Variants in SCARB2 observed in about 807,000 individuals in gnomAD.
The protein encoded by SCARB2 is lysosome membrane protein 2.
SCARB2 carries 29 observed loss-of-function variants against 58.6 expected under a neutral mutation model. That is an observed-to-expected ratio of 0.49 (90% CI 0.37 to 0.67). SCARB2 has a LOEUF of 0.67. SCARB2 is among the 30% of genes least tolerant of loss of function. SCARB2 has a pLI of 0.00. For missense variants in SCARB2, 488 were observed against 578.5 expected, an observed-to-expected ratio of 0.84 and a Z score of 1.60; for synonymous variants, 195 against 210.1, an observed-to-expected ratio of 0.93 and a Z score of 0.62.
chr4:76,163,373 A>G lies in SCARB2; in HGVS notation c.1250T>C (p.Ile417Thr). Residue 417 changes from isoleucine to threonine, a missense_variant, in exon 11 of 12, where the codon ATT (isoleucine) becomes ACT (threonine). Transcript: ENST00000264896. The stretch of plus-strand genomic sequence containing the variant: ...CAGTCGACTCGCCGTCTCTTTATCA[A>G]TGTGAACACTCTGGAGAGGCAAGAA... ...PVMYLNESVH[I>T]DKETASRLKS... is the part of the protein sequence containing the mutation. 1.2e-6 allele frequency: 2 copies of G among 1,614,198 alleles called. No homozygotes were observed. Among genetic ancestry groups the G allele is most frequent in the Non-Finnish European group, 1.7e-6 (2 of 1,180,032 alleles).
At chr4:76,234,291 C>T (rs969487113) in intron 1 of SCARB2, 1 of 152,530 alleles carries the variant, frequency 6.6e-6, no homozygotes, top group Non-Finnish European at 1.5e-5. Flanking sequence ...GGTTTTGAGT[C>T]ATTTCACTCA....
At chr4:76,169,803 TG>T in intron 8 of SCARB2, 63 bp downstream of exon 8, 1 of 1,292,134 alleles carries the variant, frequency 7.7e-7, no homozygotes, top group South Asian at 1.2e-5. Flanking sequence ...AGGACTAAAC[TG>T]GTGAACAATG....
At chr4:76,174,630 G>C in intron 6 of SCARB2, 1 of 350,484 alleles carries the variant, frequency 2.9e-6, no homozygotes, top group South Asian at 2.4e-5. Flanking sequence ...AGACCTGCAT[G>C]GACATATGCC....
intron 1 of SCARB2, among the ~76,000 whole-genome samples, chr4:76,200,322 C>T (rs1015087415): frequency 7.2e-5 from 11 of 152,180 alleles, no homozygotes; most frequent in African/African-American, 2.7e-4. Context: ...TGTGGAGTCA[C>T]AATATAACTG....
At chr4:76,171,487 A>G (rs1327899199) in intron 7 of SCARB2, among the ~76,000 whole-genome samples, 1 of 152,192 alleles carries the variant, frequency 6.6e-6, no homozygotes, top group Non-Finnish European at 1.5e-5. Flanking sequence ...GTTTCCCTGG[A>G]GAATTCAAAA....
upstream of SCARB2, chr4:76,214,399 G>A (rs1352746961): frequency 2.3e-6 from 1 of 429,546 alleles, no homozygotes; most frequent in Non-Finnish European, 4.7e-6. Flanking sequence ...AAAGGGAGGA[G>A]GAGGCATTTC....
chr4:76,168,362 G>T, intron 9 of SCARB2, 41 bp downstream of exon 9: 1 of 1,515,304 alleles, frequency 6.6e-7, no homozygotes, highest in Non-Finnish European at 9.2e-7. Flanking sequence ...GGGCAATGGA[G>T]CAAAACTGCT....
chr4:76,209,519 C>A lies in SCARB2; in HGVS notation c.117+3908G>T, dbSNP rs560558069. ...GAGTAGCTGGGACTACAGGCACCTGCCACCATGCCTAGCTAATTTCTGTAT... is the reference window on the plus strand; with the variant it reads ...GAGTAGCTGGGACTACAGGCACCTGACACCATGCCTAGCTAATTTCTGTAT... On this transcript the variant is annotated intron_variant, in intron 1 of 11. Transcript: ENST00000264896. Among the ~76,000 whole-genome samples, 5 of 152,320 alleles carry A rather than the reference C, an allele frequency of 3.3e-5. No homozygotes were observed. In the South Asian group the frequency reaches 1.0e-3, roughly 32 times the overall value.
At chr4:76,172,692 T>C (rs202174616) in intron 7 of SCARB2, 6 of 146,682 alleles carry the variant, frequency 4.1e-5, no homozygotes, top group South Asian at 4.4e-4. Flanking sequence ...TTTTTTTTTT[T>C]CTTTTTTAAA....
chr4:76,219,904 T>C (rs1387694965), intron 1 of SCARB2, among the ~76,000 whole-genome samples: 1 of 152,324 alleles, frequency 6.6e-6, no homozygotes, highest in East Asian at 1.9e-4. Flanking sequence ...CAGAGAAGAC[T>C]GCTATTCAGT....
upstream of SCARB2, chr4:76,217,727 T>G (rs1216856329): frequency 3.8e-6 from 2 of 527,556 alleles, no homozygotes; most frequent in Non-Finnish European, 6.9e-6. Flanking sequence ...GGGCGGAAAA[T>G]GAGGAGACTG....
intron 10 of SCARB2, chr4:76,165,921 CTGAG>C: frequency 2.3e-6 from 1 of 443,736 alleles, no homozygotes; most frequent in Non-Finnish European, 4.2e-6. Flanking sequence ...TGGCATCTAT[CTGAG>C]TGTGAGCTAT....
intron 1 of SCARB2, among the ~76,000 whole-genome samples, chr4:76,210,647 G>C (rs1000731371): frequency 1.3e-5 from 2 of 152,212 alleles, no homozygotes; most frequent in African/African-American, 2.4e-5. Flanking sequence ...TTGCAAATGA[G>C]AAAATTGAAG....
chr4:76,174,072 C>G, intron 7 of SCARB2, 72 bp downstream of exon 7: 6 of 1,581,686 alleles, frequency 3.8e-6, no homozygotes, highest in Non-Finnish European at 5.2e-6. Context: ...CGCCCAGCTA[C>G]ATATTCTTTG....
chr4:76,223,407 G>C (rs1733342716), intron 1 of SCARB2, among the ~76,000 whole-genome samples: 3 of 152,168 alleles, frequency 2.0e-5, no homozygotes, highest in Admixed American at 2.0e-4. Context: ...GTCTAACTTT[G>C]AGAATTCATC....
intron 1 of SCARB2, among the ~76,000 whole-genome samples, chr4:76,200,028 T>C (rs971914682): frequency 5.3e-5 from 8 of 152,198 alleles, no homozygotes; most frequent in African/African-American, 1.9e-4. Context: ...AACTAACAAA[T>C]AATAACCTCA....
chr4:76,184,340 T>C lies in SCARB2; in HGVS notation c.276-3239A>G, dbSNP rs546023539. On this transcript the variant is annotated intron_variant, in intron 2 of 11. Transcript: ENST00000264896. ...TGCCTCTAACCAAAGCCAAATCTAA[T>C]GATAAATTACATGCCCTTCCAGTTT... Among the ~76,000 whole-genome samples the C allele has an allele frequency of 2.6e-5, 4 of 152,352 alleles. No individual in the cohort carries two copies. In the East Asian group the frequency reaches 5.8e-4, roughly 22 times the overall value.
In SCARB2 at chr4:76,225,308, C is replaced by T. The variant is rs7672839; in HGVS notation, c.-358+8995G>A. On this transcript the variant is annotated intron_variant, in intron 1 of 11. Transcript: ENST00000638295. ...TCCTCTGGGTAGATAGAGTCTTCAG[C>T]ATTTTCTAGGTATATGATCATATCA... 1.8e-3 allele frequency among the ~76,000 whole-genome samples: 274 copies of T among 152,264 alleles called. 1 individual carries two copies. Among genetic ancestry groups the T allele is most frequent in the Middle Eastern group, 6.8e-3 (2 of 294 alleles).
chr4:76,184,799 A>AT (rs750605866), intron 2 of SCARB2: 3 of 364,398 alleles, frequency 8.2e-6, no homozygotes, highest in East Asian at 9.7e-5. Flanking sequence ...AAAAAAAAAA[A>AT]TTTTAATTTA....
Sources: allele counts gnomAD v4.1 joint callset (sites outside exome capture counted in the v4.1 genomes callset), GRCh38; gene constraint gnomAD v4.1.1; transcripts MANE v1.5; gene names NCBI Gene and HGNC (gene_info 2026-07-23, HGNC 2026-07-21).